The following GLS variants were observed in gnomAD, a reference collection of about 807,000 sequenced individuals.
GLS encodes the protein glutaminase, also known as glutaminase kidney isoform, mitochondrial.
GLS carries 36 observed loss-of-function variants against 86.7 expected under a neutral mutation model. That is an observed-to-expected ratio of 0.42 (90% CI 0.32 to 0.55). GLS has a LOEUF of 0.55. GLS is among the 20% of genes least tolerant of loss of function. The probability of loss-of-function intolerance (pLI) is 0.17; values close to 1 mark genes in which losing one functional copy is unlikely to be tolerated. For missense variants in GLS, 528 were observed against 833.4 expected (o/e 0.63, Z 4.51); for synonymous variants, 317 against 305.9 (o/e 1.04, Z -0.38).
At chr2:190,911,692 A>G (rs963887471) in intron 7 of GLS, among the ~76,000 whole-genome samples, 4 of 152,084 alleles carry the variant, frequency 2.6e-5, no homozygotes, top group African/African-American at 9.7e-5. Context: ...TGAACAAGTA[A>G]CTTAAAGTAG....
rs899868686 is a variant in GLS, at chr2:190,949,063, G to C, written c.1651-4502G>C. Among the ~76,000 whole-genome samples the C allele has an allele frequency of 2.0e-5, 3 of 151,934 alleles. No individual in the cohort carries two copies. Among genetic ancestry groups the C allele is most frequent in the Admixed American group, 6.5e-5 (1 of 15,274 alleles). ...CGGGCTAGTCTTTGAGGGAAGGGAA[G>C]GATTTGATTAGGAATCTGGGTGTTC... On this transcript the variant is annotated intron_variant, in intron 14 of 17. Coordinates refer to ENST00000320717, the MANE Select transcript of GLS (RefSeq NM_014905.5). This position sits in a 1 kb window ranked among gnomAD's most constrained non-coding sequence, Gnocchi z 4.0.
In GLS at chr2:190,956,885, T is replaced by C. The variant is rs1223972002; in HGVS notation, c.1853+2067T>C. Among the ~76,000 whole-genome samples, 1 of 152,226 alleles carries C rather than the reference T, an allele frequency of 6.6e-6. No homozygotes were observed. The highest frequency in any genetic ancestry group is 1.5e-5 in the Non-Finnish European group (1 of 68,030). On this transcript the variant is annotated intron_variant, in intron 17 of 17. Transcript: ENST00000320717. This position sits in a 1 kb window ranked among gnomAD's most constrained non-coding sequence, Gnocchi z 4.2. The stretch of plus-strand genomic sequence containing the variant: ...GTAGCAGTTGTGAATGGGAGTTCAC[T>C]CATGATTTGGCTCTCTCTTTGTCTA...
At chr2:190,898,321 A>G (rs1688819600) in intron 3 of GLS, among the ~76,000 whole-genome samples, 1 of 152,238 alleles carries the variant, frequency 6.6e-6, no homozygotes, top group African/African-American at 2.4e-5. Flanking sequence ...CGGCTTACAG[A>G]TAAGAAAACT....
rs1259089185 is a variant in GLS at position 190,964,135 on chromosome 2, A to T, written c.*1149A>T. 1 of 152,130 alleles carries T rather than the reference A, an allele frequency of 6.6e-6. No individual in the cohort carries two copies. Among genetic ancestry groups the T allele is most frequent in the Non-Finnish European group, 1.5e-5 (1 of 68,004 alleles). 9.4% of individuals were successfully genotyped at this position (152,130 alleles called of 1,614,324 possible). A position where few individuals can be genotyped will look rare whatever the true frequency, so the allele number is the denominator to read the frequency against. On this transcript the variant is annotated 3_prime_UTR_variant, in exon 18 of 18. Coordinates refer to ENST00000320717, the MANE Select transcript of GLS (RefSeq NM_014905.5). The surrounding 1 kb of genome is among the most constrained non-coding windows in gnomAD (Gnocchi z 5.2). ...GTGGGCTCTGTAGTTTAATAATAAG[A>T]AAAAGGCCATTTCATTTTAAATTGT...
chr2:190,951,529 ATAAG>A lies in GLS; in HGVS notation c.1651-2034_1651-2031del, dbSNP rs1690719752. 6.6e-6 allele frequency among the ~76,000 whole-genome samples: 1 copy of A among 152,156 alleles called. No homozygotes were observed. The highest frequency in any genetic ancestry group is 2.4e-5 in the African/African-American group (1 of 41,452). ...GGAACAAGAACAGGGCATCTAGAGGATAAGTGTTTGAAGGAATAGATAAAAAGTA... is the reference window on the plus strand; with the variant it reads ...GGAACAAGAACAGGGCATCTAGAGGATGTTTGAAGGAATAGATAAAAAGTA... On this transcript the variant is annotated intron_variant, in intron 14 of 17. Coordinates refer to ENST00000320717, the MANE Select transcript of GLS (RefSeq NM_014905.5). This position sits in a 1 kb window ranked among gnomAD's most constrained non-coding sequence, Gnocchi z 4.2.
chr2:190,927,102 CTT>C lies in GLS; in HGVS notation c.1249-202_1249-201del, dbSNP rs920133440. The C allele has an allele frequency of 9.5e-5, 46 of 483,606 alleles. No individual in the cohort carries two copies. In the Admixed American group the frequency reaches 1.6e-3, roughly 17 times the overall value. 30.0% of individuals were successfully genotyped at this position (483,606 alleles called of 1,614,324 possible). ...GTTCTGCCATTAAAAGACTGAGTAT[CTT>C]TGGCCAAATCAGGGTAAATCTTAAA... On this transcript the variant is annotated intron_variant, in intron 11 of 17. Transcript: ENST00000320717.
rs1688770747 is a variant in GLS at position 190,897,133 on chromosome 2, A to G, written c.605+1408A>G. On this transcript the variant is annotated intron_variant, in intron 3 of 17. Coordinates refer to ENST00000320717, the MANE Select transcript of GLS (RefSeq NM_014905.5). The surrounding 1 kb of genome is among the most constrained non-coding windows in gnomAD (Gnocchi z 4.3). ...AACCTCTGCCTCCCGGGTTCAAGTG[A>G]TTCTCCCACCTAAATTCCCAAGTAT... Among the ~76,000 whole-genome samples, 1 of 151,652 alleles carries G rather than the reference A, an allele frequency of 6.6e-6. No individual in the cohort carries two copies. Among genetic ancestry groups the G allele is most frequent in the African/African-American group, 2.4e-5 (1 of 41,230 alleles).
intron 11 of GLS, among the ~76,000 whole-genome samples, chr2:190,925,018 C>G (rs1689854037): frequency 6.6e-6 from 1 of 152,166 alleles, no homozygotes; most frequent in Admixed American, 6.5e-5. Flanking sequence ...TCAAAAATGT[C>G]TTCATAAAAG....
At position 190,898,692 on chromosome 2, in the gene GLS, C is replaced by T. The variant is rs1479882700; in HGVS notation, c.606-1872C>T. Among the ~76,000 whole-genome samples the T allele has an allele frequency of 1.1e-4, 16 of 152,220 alleles. No homozygotes were observed. In the East Asian group the frequency reaches 2.7e-3, roughly 26 times the overall value. On this transcript the variant is annotated intron_variant, in intron 3 of 17. Transcript: ENST00000320717. Reference sequence around the variant, plus strand: ...TGTTGCCCAGGCTGGAGTGCAATGGCGCGATCTTGGCTCACCGCAACCTCC... The same window carrying T: ...TGTTGCCCAGGCTGGAGTGCAATGGTGCGATCTTGGCTCACCGCAACCTCC...
intron 6 of GLS, among the ~76,000 whole-genome samples, chr2:190,907,627 T>C (rs539319894): frequency 8.5e-5 from 13 of 152,320 alleles, no homozygotes; most frequent in African/African-American, 3.1e-4. Flanking sequence ...TTTATCATTA[T>C]AAGTGAGCAA....
At chr2:190,902,087 G>A in intron 5 of GLS, 61 bp downstream of exon 5, 1 of 885,908 alleles carries the variant, frequency 1.1e-6, no homozygotes, top group Non-Finnish European at 1.9e-6. Context: ...ATAATGGTGA[G>A]AATGACATGG....
chr2:190,934,771 A>C (rs1312940488), intron 14 of GLS: 3 of 974,142 alleles, frequency 3.1e-6, no homozygotes, highest in Non-Finnish European at 2.4e-6. Context: ...TAATGCTTTA[A>C]ATGCATACTT....
At position 190,930,249 on chromosome 2, in the gene GLS, G is replaced by A. The variant is rs1441074784; in HGVS notation, c.1426-188G>A. Among the ~76,000 whole-genome samples, 2 of 151,868 alleles carry A rather than the reference G, an allele frequency of 1.3e-5. No homozygotes were observed. Among genetic ancestry groups the A allele is most frequent in the East Asian group, 1.9e-4 (1 of 5,172 alleles). ...GTCTCACTGTTTTTTGTAGAGACGA[G>A]ATCTCCCTGTGTTACCCAGCCTAGC... On this transcript the variant is annotated intron_variant, in intron 12 of 17. Transcript: ENST00000320717. This position sits in a 1 kb window ranked among gnomAD's most constrained non-coding sequence, Gnocchi z 5.0.
chr2:190,885,615 G>C (rs920164144), intron 1 of GLS, among the ~76,000 whole-genome samples: 10 of 152,148 alleles, frequency 6.6e-5, no homozygotes, highest in African/African-American at 2.4e-4. Context: ...TTAAGTTTTA[G>C]AACTGAATGA....
At chr2:190,923,866 C>T (rs1288312366) in intron 9 of GLS, 51 bp from the exon 10 acceptor site, 2 of 1,090,984 alleles carry the variant, frequency 1.8e-6, no homozygotes, top group Non-Finnish European at 2.8e-6. Context: ...TATGAACAAT[C>T]ACACTTTTAA....
At chr2:190,931,775 T>G in intron 14 of GLS, 138 bp downstream of exon 14, 1 of 488,526 alleles carries the variant, frequency 2.0e-6, no homozygotes, top group Non-Finnish European at 3.7e-6. Flanking sequence ...AACAAATTGT[T>G]GACATATAAA....
At chr2:190,933,067 C>G in intron 14 of GLS, 8 of 1,022,748 alleles carry the variant, frequency 7.8e-6, no homozygotes, top group Non-Finnish European at 9.6e-6. Context: ...AAAGTATTTA[C>G]AAGTACATAA....
At chr2:190,882,150 C>T (rs1478311101) in intron 1 of GLS, 1 of 152,184 alleles carries the variant, frequency 6.6e-6, no homozygotes, top group Non-Finnish European at 1.5e-5. Flanking sequence ...CACCTGTTTG[C>T]ATAAGGGACC....
chr2:190,881,419 C>G lies in GLS; in HGVS notation c.335C>G (p.Thr112Arg). The G allele has an allele frequency of 6.5e-7, 1 of 1,545,120 alleles. No individual in the cohort carries two copies. Among genetic ancestry groups the G allele is most frequent in the African/African-American group, 1.4e-5 (1 of 72,416 alleles). ...GGCCCCAAGGACGGCCCCGGGGAGA[C>G]GGACGCGTTTGGCAACAGCGAGGGC... Reference protein sequence around the residue: ...APGPKDGPGETDAFGNSEGKE... With the variant: ...APGPKDGPGERDAFGNSEGKE... Residue 112 changes from threonine to arginine, a missense_variant, in exon 1 of 18, where the codon ACG becomes AGG. Around this residue, in one of 4 missense-constraint regions of GLS, gnomAD observed 224 missense variants for 187.9 expected, o/e 1.19. Transcript: ENST00000320717.
Sources: allele counts gnomAD v4.1 joint callset (sites outside exome capture counted in the v4.1 genomes callset), GRCh38; gene constraint gnomAD v4.1.1; regional missense constraint gnomAD v4.1.1; non-coding constraint Gnocchi (gnomAD v3.1); transcripts MANE v1.5; gene names NCBI Gene and HGNC (gene_info 2026-07-23, HGNC 2026-07-21).